Variants in BMP8A observed in about 807,000 individuals in gnomAD.
BMP8A encodes the protein BMP-8A.
BMP8A carries 14 observed loss-of-function variants against 36.8 expected under a neutral mutation model. The observed-to-expected ratio is 0.38, with a 90% CI of 0.25 to 0.60. The LOEUF is 0.60. Ranked by LOEUF, BMP8A falls within the 20% of genes least tolerant of loss-of-function variation. The pLI is 0.63. For missense variants in BMP8A, 267 were observed against 551.1 expected (o/e 0.48, Z 5.16); for synonymous variants, 120 against 237.7 (o/e 0.50, Z 4.55).
intron 1 of BMP8A, among the ~76,000 whole-genome samples, chr1:39,499,570 G>A (rs1267997005): frequency 2.0e-5 from 3 of 152,244 alleles, no homozygotes; most frequent in Non-Finnish European, 2.9e-5. Context: ...GCAGGGTTTG[G>A]CATCTGGAGG....
At chr1:39,503,573 C>T (rs567635569) in intron 1 of BMP8A, among the ~76,000 whole-genome samples, 2 of 124,162 alleles carry the variant, frequency 1.6e-5, no homozygotes, top group East Asian at 2.7e-4. Flanking sequence ...GGAGTGCAGT[C>T]GTGCAATCTT....
At chr1:39,514,684 G>A (rs1645381617) in intron 3 of BMP8A, among the ~76,000 whole-genome samples, 2 of 152,118 alleles carry the variant, frequency 1.3e-5, no homozygotes, top group South Asian at 4.1e-4. Flanking sequence ...GACCTAGCCT[G>A]TGCCCTACTC....
At chr1:39,505,781 A>C (rs1045516269) in intron 1 of BMP8A, among the ~76,000 whole-genome samples, 58 of 152,124 alleles carry the variant, frequency 3.8e-4, no homozygotes, top group African/African-American at 1.3e-3. Context: ...CAGGAGTTCA[A>C]GACCAGCCTG....
intron 1 of BMP8A, among the ~76,000 whole-genome samples, chr1:39,501,162 C>G (rs970742695): frequency 1.3e-5 from 2 of 152,146 alleles, no homozygotes; most frequent in African/African-American, 4.8e-5. Context: ...AATCCATTCC[C>G]CTGAGAGGGA....
chr1:39,494,327 C>T (rs1645186330), intron 1 of BMP8A, among the ~76,000 whole-genome samples: 1 of 150,138 alleles, frequency 6.7e-6, no homozygotes, highest in Non-Finnish European at 1.5e-5. Flanking sequence ...CCTTTCTTTC[C>T]TTCTTTCTTT....
Position 39,524,837 on chromosome 1 carries a change from T to G in BMP8A, c.1060-812T>G, listed in dbSNP as rs570661162. 3 of 152,342 alleles carry G rather than the reference T, an allele frequency of 2.0e-5. No individual in the cohort carries two copies. The highest frequency in any genetic ancestry group is 6.6e-5 in the Admixed American group (1 of 15,264). The allele number at this position is 152,342 out of a possible 1,614,324, so 9.4% of individuals were successfully genotyped here. On this transcript the variant is annotated intron_variant, in intron 6 of 6. Coordinates refer to ENST00000331593, the MANE Select transcript of BMP8A (RefSeq NM_181809.4). This position sits in a 1 kb window ranked among gnomAD's most constrained non-coding sequence, Gnocchi z 4.0. ...ATGAGTGAGGGCTGCTGTGGTCACC[T>G]GGCAGGTGATGGCAGCTCGACTGGG...
chr1:39,511,094 G>C, intron 1 of BMP8A, 80 bp from the exon 2 acceptor site: 3 of 1,564,192 alleles, frequency 1.9e-6, no homozygotes, highest in Non-Finnish European at 1.7e-6. Flanking sequence ...GGTGTCTGGG[G>C]GCGGTGGCTC....
chr1:39,505,205 A>G (rs1412418005), intron 1 of BMP8A, among the ~76,000 whole-genome samples: 1 of 152,064 alleles, frequency 6.6e-6, no homozygotes, highest in East Asian at 1.9e-4. Context: ...TTCCCTTTCC[A>G]TGAGGCCATA....
intron 1 of BMP8A, among the ~76,000 whole-genome samples, chr1:39,493,027 A>G (rs577009760): frequency 6.6e-6 from 1 of 152,302 alleles, no homozygotes; most frequent in East Asian, 1.9e-4. Context: ...ATCTTGTATC[A>G]AACCCTGGAG....
chr1:39,523,887 G>A (rs1466625372), intron 6 of BMP8A: 2 of 302,278 alleles, frequency 6.6e-6, no homozygotes, highest in Admixed American at 1.1e-4. Context: ...ATCAGGCGCA[G>A]TGGCTCACCC....
chr1:39,509,702 G>A (rs1172855400), intron 1 of BMP8A, among the ~76,000 whole-genome samples: 3 of 152,168 alleles, frequency 2.0e-5, no homozygotes, highest in Non-Finnish European at 2.9e-5. Flanking sequence ...CATCCGCCTC[G>A]GCCCGCACAG....
chr1:39,514,662 G>A (rs1212482216), intron 3 of BMP8A, among the ~76,000 whole-genome samples: 4 of 152,030 alleles, frequency 2.6e-5, no homozygotes. Context: ...AGGCTCCACT[G>A]GGGCAGGAGG....
Position 39,523,009 on chromosome 1 carries a change from C to T in BMP8A, c.951C>T (p.Asp317=), listed in dbSNP as rs1235420240. The change falls in exon 6 of 7, where the codon GAC becomes GAT. Residue 317 remains aspartate (D), a splice_region_variant and synonymous_variant. Coordinates refer to ENST00000331593, the MANE Select transcript of BMP8A (RefSeq NM_181809.4). The stretch of plus-strand genomic sequence containing the variant: ...TCACCTTCTCCCTTGCCCCCCAGGA[C>T]TGGGTCATCGCCCCCCAAGGCTACT... ...YVSFQDLGWL[D]WVIAPQGYSA... The T allele has an allele frequency of 6.2e-7, 1 of 1,607,964 alleles. No individual in the cohort carries two copies. Among genetic ancestry groups the T allele is most frequent in the Admixed American group, 1.7e-5 (1 of 59,692 alleles).
chr1:39,508,348 G>A (rs1202082194), intron 1 of BMP8A, among the ~76,000 whole-genome samples: 1 of 152,216 alleles, frequency 6.6e-6, no homozygotes, highest in East Asian at 1.9e-4. Context: ...GATGGTCCTG[G>A]CTGGGTATTG....
At chr1:39,504,537 G>T (rs1387586045) in intron 1 of BMP8A, among the ~76,000 whole-genome samples, 9 of 152,076 alleles carry the variant, frequency 5.9e-5, no homozygotes, top group African/African-American at 2.2e-4. Context: ...GCATGTCTCA[G>T]TCGGTATAGT....
In BMP8A at chr1:39,527,716, A is replaced by G. The variant is rs891467355; in HGVS notation, c.*1918A>G. Among the ~76,000 whole-genome samples the G allele has an allele frequency of 3.3e-5, 5 of 152,250 alleles. No individual in the cohort carries two copies. Among genetic ancestry groups the G allele is most frequent in the Non-Finnish European group, 5.9e-5 (4 of 68,038 alleles). On this transcript the variant is annotated 3_prime_UTR_variant, in exon 7 of 7. Coordinates refer to ENST00000331593, the MANE Select transcript of BMP8A (RefSeq NM_181809.4). ...CTAAGGCTTCAAGCTCAGCTAGCAG[A>G]GATTGGAAGAGGCAATGGCCTGAGT...
chr1:39,500,743 C>A (rs866279210), intron 1 of BMP8A, among the ~76,000 whole-genome samples: 4 of 152,106 alleles, frequency 2.6e-5, no homozygotes, highest in Non-Finnish European at 5.9e-5. Context: ...ACCTCTACCT[C>A]CTGGGTTCAA....
intron 1 of BMP8A, among the ~76,000 whole-genome samples, chr1:39,510,569 C>T (rs530254535): frequency 2.5e-4 from 38 of 150,706 alleles, no homozygotes; most frequent in African/African-American, 8.8e-4. Flanking sequence ...GGCCCTCTGC[C>T]TTGGCTGGCC....
chr1:39,503,981 A>AT (rs1645276360), intron 1 of BMP8A, among the ~76,000 whole-genome samples: 1 of 152,174 alleles, frequency 6.6e-6, no homozygotes, highest in Non-Finnish European at 1.5e-5. Context: ...TCCTCACGAT[A>AT]TTTATTATTT....
Sources: allele counts gnomAD v4.1 joint callset (sites outside exome capture counted in the v4.1 genomes callset), GRCh38; gene constraint gnomAD v4.1.1; non-coding constraint Gnocchi (gnomAD v3.1); transcripts MANE v1.5; gene names NCBI Gene and HGNC (gene_info 2026-07-23, HGNC 2026-07-21).